The following PDXDC1 variants were observed in gnomAD, a reference collection of about 807,000 sequenced individuals.
The protein encoded by PDXDC1 is pyridoxal dependent decarboxylase domain containing 1, also known as pyridoxal-dependent decarboxylase domain-containing protein 1.
Under a neutral mutation model 100.1 loss-of-function variants are expected in PDXDC1, and 42 were observed. The observed-to-expected ratio is 0.42, with a 90% CI of 0.33 to 0.54. PDXDC1 has a LOEUF of 0.54. Ranked by LOEUF, PDXDC1 falls within the 20% of genes least tolerant of loss-of-function variation. The pLI is 0.10. For missense variants in PDXDC1, 636 were observed against 979.2 expected, an observed-to-expected ratio of 0.65 and a Z score of 4.68; for synonymous variants, 260 against 371.7, an observed-to-expected ratio of 0.70 and a Z score of 3.46.
chr16:15,104,721 C>G (rs377519400), intron 16 of PDXDC1: 1 of 1,597,330 alleles, frequency 6.3e-7, no homozygotes. Context: ...GCAGGGCAAT[C>G]CTGAAGAATG....
intron 1 of PDXDC1, chr16:14,988,898 C>A: frequency 6.2e-7 from 1 of 1,613,624 alleles, no homozygotes; most frequent in East Asian, 2.2e-5. Context: ...GCTGCAGGAT[C>A]TGCTGGACGG....
intron 16 of PDXDC1, among the ~76,000 whole-genome samples, chr16:15,096,955 A>G (rs545317619): frequency 1.3e-5 from 2 of 152,108 alleles, no homozygotes; most frequent in Non-Finnish European, 2.9e-5. Context: ...CTACACTCCC[A>G]TTCTTTCCCT....
chr16:15,127,459 C>G, intron 16 of PDXDC1: 4 of 1,555,894 alleles, frequency 2.6e-6, no homozygotes, highest in Non-Finnish European at 3.5e-6. Context: ...CGGTCCCCAG[C>G]CCCAGCCCAC....
intron 18 of PDXDC1, 77 bp downstream of exon 18, chr16:15,033,056 C>T: frequency 1.9e-6 from 2 of 1,054,020 alleles, no homozygotes; most frequent in Non-Finnish European, 3.0e-6. Context: ...GACGGCTCAT[C>T]CCTTAGCGGG....
chr16:15,142,739 C>A (rs1395153663), downstream of PDXDC1, among the ~76,000 whole-genome samples: 2 of 152,062 alleles, frequency 1.3e-5, no homozygotes, highest in African/African-American at 4.8e-5. Flanking sequence ...TCGCGCCAGC[C>A]CCCCCACCCC....
chr16:15,042,280 G>A (rs1483398339), downstream of PDXDC1, among the ~76,000 whole-genome samples: 4 of 150,708 alleles, frequency 2.7e-5, no homozygotes, highest in Non-Finnish European at 4.4e-5. Flanking sequence ...CCACCTCCCA[G>A]GTTCAAGCGA....
chr16:15,152,013 G>A, the PDXDC1 span, among the ~76,000 whole-genome samples: 3 of 149,122 alleles, frequency 2.0e-5, no homozygotes, highest in Non-Finnish European at 3.0e-5. Flanking sequence ...CTGGGGTGGG[G>A]GGTCTGTGAG....
downstream of PDXDC1, among the ~76,000 whole-genome samples, chr16:15,139,904 T>C (rs2048438241): frequency 6.6e-6 from 1 of 152,010 alleles, no homozygotes; most frequent in Non-Finnish European, 1.5e-5. Flanking sequence ...GAGACCATCC[T>C]GGCCAACAGG....
chr16:15,111,456 C>CAAAAACA (rs2047057105), intron 16 of PDXDC1, among the ~76,000 whole-genome samples: 1 of 100,476 alleles, frequency 1.0e-5, no homozygotes, highest in Non-Finnish European at 2.0e-5. Flanking sequence ...AACTCTGTCT[C>CAAAAACA]AAAAAAAAAA....
chr16:15,040,315 A>G (rs535440669), downstream of PDXDC1: 16 of 393,734 alleles, frequency 4.1e-5, no homozygotes, highest in Admixed American at 1.3e-4. Flanking sequence ...TGCTTTCCAC[A>G]TGGGAGGCAG....
At chr16:14,988,818 C>T in intron 1 of PDXDC1, 2 of 1,613,930 alleles carry the variant, frequency 1.2e-6, no homozygotes, top group Non-Finnish European at 1.7e-6. Flanking sequence ...CTGCAGGATG[C>T]CTGGGGCACC....
At chr16:15,040,986 G>A (rs2043789749), downstream of PDXDC1, 2 of 932,864 alleles carry the variant, frequency 2.1e-6, no homozygotes, top group Admixed American at 3.4e-5. Context: ...CCTGACAGCA[G>A]TGGGGTCATT....
At chr16:15,140,387 T>A (rs1598290768), downstream of PDXDC1, among the ~76,000 whole-genome samples, 2 of 133,382 alleles carry the variant, frequency 1.5e-5, no homozygotes, top group Admixed American at 8.8e-5. Flanking sequence ...GAGGTTGCAG[T>A]GAGCTGAGAT....
At chr16:15,136,062 C>T in intron 16 of PDXDC1, 13 of 1,576,530 alleles carry the variant, frequency 8.2e-6, no homozygotes, top group Non-Finnish European at 1.1e-5. Flanking sequence ...GGCTGAAGGC[C>T]TCGCCCTGCG....
chr16:15,026,769 A>G lies in PDXDC1; in HGVS notation c.1204+63A>G, dbSNP rs147681745. On this transcript the variant is annotated intron_variant, in intron 14 of 22. Coordinates refer to ENST00000396410, the MANE Select transcript of PDXDC1 (RefSeq NM_015027.4). ...TGTTAAAGGCTTTGAATTTGATACC[A>G]TTTCAAGTTAAATAGTTCAAAATAT... is the stretch of plus-strand genomic sequence containing the variant. 967 of 1,459,362 alleles carry G rather than the reference A, an allele frequency of 6.6e-4. 4 individuals carry two copies. The highest frequency in any genetic ancestry group is 9.2e-5 in the Non-Finnish European group (96 of 1,048,572). The allele number at this position is 1,459,362 out of a possible 1,614,324, so 90.4% of individuals were successfully genotyped here.
intron 16 of PDXDC1, among the ~76,000 whole-genome samples, chr16:15,101,216 T>C (rs1483661206): frequency 1.3e-5 from 2 of 152,240 alleles, no homozygotes; most frequent in Non-Finnish European, 2.9e-5. Context: ...TGCCCATTTA[T>C]TTTCCTGTAA....
At chr16:15,128,409 G>C (rs1214905398) in intron 16 of PDXDC1, 1 of 1,449,520 alleles carries the variant, frequency 6.9e-7, no homozygotes, top group Non-Finnish European at 9.6e-7. Context: ...AAGAGGGAGG[G>C]GTGGGAGGCT....
chr16:15,071,290 G>A, intron 16 of PDXDC1: 1 of 1,545,024 alleles, frequency 6.5e-7, no homozygotes, highest in Non-Finnish European at 8.7e-7. Flanking sequence ...CTTTTTTAAT[G>A]CCTAAGATAA....
intron 16 of PDXDC1, among the ~76,000 whole-genome samples, chr16:15,091,093 G>T (rs2046114421): frequency 6.6e-6 from 1 of 152,026 alleles, no homozygotes. Flanking sequence ...CCCACTAGAT[G>T]CCAGTAGCAC....
Sources: gnomAD v4.1 joint callset for allele counts (sites outside exome capture counted in the v4.1 genomes callset) on GRCh38, gnomAD v4.1.1 for gene constraint, MANE v1.5 for transcripts, NCBI Gene and HGNC (gene_info 2026-07-23, HGNC 2026-07-21) for gene names.